Variants in CSMD2 observed in about 807,000 individuals in gnomAD.
The protein encoded by CSMD2 is CUB and Sushi multiple domains 2.
A neutral mutation model predicts 398.5 loss-of-function variants in CSMD2; 130 were observed. That is an observed-to-expected ratio of 0.33 (90% CI 0.28 to 0.38). The LOEUF (loss-of-function observed/expected upper bound fraction) is 0.38. CSMD2 is among the 10% of genes least tolerant of loss of function. CSMD2 has a pLI of 1.00. For missense variants in CSMD2, 3,829 were observed against 4,764.9 expected, an observed-to-expected ratio of 0.80 and a Z score of 5.78; for synonymous variants, 1,828 against 1,908.5, an observed-to-expected ratio of 0.96 and a Z score of 1.10.
chr1:33,638,655 C>T (rs1225971511), intron 29 of CSMD2, among the ~76,000 whole-genome samples: 1 of 152,218 alleles, frequency 6.6e-6, no homozygotes, highest in Non-Finnish European at 1.5e-5. Context: ...CAATAGTCCC[C>T]TCTGTGACCT....
chr1:33,882,015 C>T (rs1641270501), intron 5 of CSMD2: 1 of 152,146 alleles, frequency 6.6e-6, no homozygotes, highest in South Asian at 2.1e-4. Flanking sequence ...AGTGAACATC[C>T]TTGCACATAT....
intron 1 of CSMD2, among the ~76,000 whole-genome samples, chr1:34,115,391 G>T (rs1193156563): frequency 1.3e-5 from 2 of 152,124 alleles, no homozygotes; most frequent in East Asian, 3.9e-4. Flanking sequence ...AAGATTATCA[G>T]CAGATTTCTC....
At chr1:33,886,912 C>T (rs551774484) in intron 5 of CSMD2, among the ~76,000 whole-genome samples, 1 of 152,178 alleles carries the variant, frequency 6.6e-6, no homozygotes, top group South Asian at 2.1e-4. Flanking sequence ...CTCACTCAGC[C>T]TTCAGCATGA....
chr1:33,776,740 T>C (rs1374918743), intron 12 of CSMD2, among the ~76,000 whole-genome samples: 2 of 151,410 alleles, frequency 1.3e-5, no homozygotes, highest in African/African-American at 2.4e-5. Context: ...GAGCTGAACA[T>C]GTTGTTAAAA....
intron 12 of CSMD2, among the ~76,000 whole-genome samples, chr1:33,775,645 A>T (rs1300905604): frequency 6.6e-6 from 1 of 152,250 alleles, no homozygotes; most frequent in South Asian, 2.1e-4. Context: ...GAGGGTCATC[A>T]GTAGGGGATG....
intron 1 of CSMD2, among the ~76,000 whole-genome samples, chr1:34,139,074 A>G (rs972051265): frequency 3.3e-5 from 5 of 152,202 alleles, no homozygotes; most frequent in Non-Finnish European, 4.4e-5. Context: ...ATAAAACCAC[A>G]TGCATACTAC....
intron 3 of CSMD2, among the ~76,000 whole-genome samples, chr1:34,024,299 T>C (rs1055628924): frequency 1.3e-5 from 2 of 152,194 alleles, no homozygotes; most frequent in African/African-American, 4.8e-5. Flanking sequence ...GAAGCAGAGG[T>C]ACACTGTATC....
rs150072543 is a variant in CSMD2, at chr1:34,006,457, T to C, written c.517+26137A>G. Among the ~76,000 whole-genome samples, 1,230 of 152,214 alleles carry C rather than the reference T, an allele frequency of 8.1e-3. 18 individuals carry two copies. The highest frequency in any genetic ancestry group is 0.028 in the African/African-American group (1,163 of 41,540). On this transcript the variant is annotated intron_variant, in intron 3 of 70. Coordinates refer to ENST00000373381, the MANE Select transcript of CSMD2 (RefSeq NM_001281956.2). ...CCTGACCCTCTCACCACCGTTCACC[T>C]CCACACTGTTTCCAGAGGAACTTCT...
At chr1:33,908,972 G>C (rs1643287581) in intron 5 of CSMD2, among the ~76,000 whole-genome samples, 1 of 152,222 alleles carries the variant, frequency 6.6e-6, no homozygotes, top group Non-Finnish European at 1.5e-5. Flanking sequence ...TTAAAGAGTT[G>C]TGATGTGTCA....
At chr1:34,109,668 T>G (rs1660852093) in intron 1 of CSMD2, among the ~76,000 whole-genome samples, 1 of 152,010 alleles carries the variant, frequency 6.6e-6, no homozygotes, top group South Asian at 2.1e-4. Flanking sequence ...TGTAAGGAAC[T>G]TAAACAAATT....
chr1:33,627,262 T>G (rs1244147559), intron 32 of CSMD2, among the ~76,000 whole-genome samples: 2 of 152,094 alleles, frequency 1.3e-5, no homozygotes, highest in Non-Finnish European at 2.9e-5. Context: ...GAAACCAGGG[T>G]AGACTGACAG....
chr1:34,081,471 C>G (rs917135750), intron 2 of CSMD2, among the ~76,000 whole-genome samples: 1 of 151,854 alleles, frequency 6.6e-6, no homozygotes, highest in Non-Finnish European at 1.5e-5. Context: ...TCTCTGTTGC[C>G]GAGGCTGGAT....
chr1:33,614,174 ATTTTTAT>A (rs1250189668), intron 40 of CSMD2, among the ~76,000 whole-genome samples: 3 of 124,496 alleles, frequency 2.4e-5, no homozygotes, highest in African/African-American at 6.3e-5. Context: ...TGAGTAATTT[ATTTTTAT>A]TTTTTATTTT....
chr1:34,029,238 A>G (rs1261412956), intron 3 of CSMD2, among the ~76,000 whole-genome samples: 1 of 151,950 alleles, frequency 6.6e-6, no homozygotes, highest in Non-Finnish European at 1.5e-5. Context: ...GTCCAAGGGG[A>G]CTCTGCAATG....
chr1:34,128,086 G>T (rs1247276800), intron 1 of CSMD2, among the ~76,000 whole-genome samples: 1 of 151,992 alleles, frequency 6.6e-6, no homozygotes, highest in Non-Finnish European at 1.5e-5. Context: ...CGGCCTCACC[G>T]ACGCCCTGAC....
chr1:33,599,463 A>C (rs552683729), intron 44 of CSMD2: 19 of 152,332 alleles, frequency 1.2e-4, no homozygotes, highest in African/African-American at 4.3e-4. Context: ...GCATTGTTTC[A>C]TTTAACTTTA....
chr1:33,812,026 C>T (rs985048956), intron 9 of CSMD2, among the ~76,000 whole-genome samples: 7 of 152,134 alleles, frequency 4.6e-5, no homozygotes, highest in Admixed American at 3.3e-4. Context: ...ATAAACCTTT[C>T]CCAGGACACC....
chr1:33,545,619 A>G (rs969779282), intron 57 of CSMD2, among the ~76,000 whole-genome samples: 5 of 152,076 alleles, frequency 3.3e-5, no homozygotes, highest in African/African-American at 9.7e-5. Flanking sequence ...ACTTCCCAAG[A>G]CCCCACTTCC....
intron 3 of CSMD2, among the ~76,000 whole-genome samples, chr1:34,026,306 T>A (rs969426526): frequency 1.3e-5 from 2 of 152,268 alleles, no homozygotes; most frequent in African/African-American, 4.8e-5. Context: ...TTTCCCCTTA[T>A]GGTTACCAAG....
Sources: allele counts gnomAD v4.1 joint callset (sites outside exome capture counted in the v4.1 genomes callset), GRCh38; gene constraint gnomAD v4.1.1; transcripts MANE v1.5; gene names NCBI Gene and HGNC (gene_info 2026-07-23, HGNC 2026-07-21).